The following MRPL1 variants were observed in gnomAD, a reference collection of about 807,000 sequenced individuals.
The protein encoded by MRPL1 is large ribosomal subunit protein uL1m.
Under a neutral mutation model 38.0 loss-of-function variants are expected in MRPL1, and 28 were observed. The observed-to-expected ratio is 0.74, with a 90% CI of 0.55 to 1.01. MRPL1 has a LOEUF of 1.01. Ranked by LOEUF, MRPL1 falls within the 50% of genes least tolerant of loss-of-function variation. MRPL1 has a pLI of 0.00. For missense variants in MRPL1, 358 were observed against 389.8 expected (o/e 0.92, Z 0.69); for synonymous variants, 123 against 126.7 (o/e 0.97, Z 0.20).
intron 6 of MRPL1, among the ~76,000 whole-genome samples, chr4:77,908,589 G>A (rs1736214375): frequency 6.6e-6 from 1 of 152,086 alleles, no homozygotes; most frequent in South Asian, 2.1e-4. Context: ...TGTCATCTGT[G>A]TTTTTAATGT....
chr4:77,930,999 A>G (rs1266340743), intron 7 of MRPL1, among the ~76,000 whole-genome samples: 1 of 152,202 alleles, frequency 6.6e-6, no homozygotes, highest in East Asian at 1.9e-4. Context: ...AGCTGCATTT[A>G]AAAGAAATAC....
chr4:77,923,459 G>C (rs1736626926), intron 7 of MRPL1, among the ~76,000 whole-genome samples: 1 of 152,116 alleles, frequency 6.6e-6, no homozygotes, highest in Non-Finnish European at 1.5e-5. Flanking sequence ...AAAACAATCT[G>C]TTGAGATAAT....
At chr4:77,936,704 A>G (rs1027537410) in intron 7 of MRPL1, among the ~76,000 whole-genome samples, 2 of 152,238 alleles carry the variant, frequency 1.3e-5, no homozygotes, top group African/African-American at 4.8e-5. Flanking sequence ...ATTTACTAAG[A>G]AAGTATGCCA....
chr4:77,891,266 A>G (rs910501487), intron 5 of MRPL1, among the ~76,000 whole-genome samples: 2 of 147,170 alleles, frequency 1.4e-5, no homozygotes, highest in African/African-American at 4.9e-5. Flanking sequence ...TTGAGTTTGT[A>G]TACAGCTTTC....
chr4:77,892,094 A>C (rs1244087947), intron 5 of MRPL1, among the ~76,000 whole-genome samples: 1 of 151,874 alleles, frequency 6.6e-6, no homozygotes, highest in Admixed American at 6.6e-5. Context: ...AGCTCTATAA[A>C]ATGCCAAGTA....
intron 6 of MRPL1, among the ~76,000 whole-genome samples, chr4:77,897,190 A>G (rs958631283): frequency 6.6e-6 from 1 of 151,954 alleles, no homozygotes; most frequent in African/African-American, 2.4e-5. Context: ...CAGCCTCCCA[A>G]GTAGCTGCGA....
At chr4:77,901,919 G>C (rs1736043822) in intron 6 of MRPL1, among the ~76,000 whole-genome samples, 1 of 152,118 alleles carries the variant, frequency 6.6e-6, no homozygotes. Flanking sequence ...CATTCACCAT[G>C]GTAGACCATT....
At chr4:77,922,202 T>G (rs1372688435) in intron 7 of MRPL1, among the ~76,000 whole-genome samples, 1 of 152,228 alleles carries the variant, frequency 6.6e-6, no homozygotes, top group African/African-American at 2.4e-5. Flanking sequence ...ATTGAAATTT[T>G]AGATAGGATA....
chr4:77,862,932 G>T, intron 1 of MRPL1, 53 bp downstream of exon 1: 1 of 1,609,474 alleles, frequency 6.2e-7, no homozygotes, highest in Non-Finnish European at 8.5e-7. Context: ...CGAGTCTCTG[G>T]TTGCAGCAGA....
chr4:77,909,628 G>C (rs536692861), intron 7 of MRPL1, among the ~76,000 whole-genome samples: 16 of 152,118 alleles, frequency 1.1e-4, no homozygotes, highest in Admixed American at 9.8e-4. Context: ...TTTATCTGTT[G>C]TATGTATACA....
At chr4:77,933,064 T>C (rs1736883138) in intron 7 of MRPL1, among the ~76,000 whole-genome samples, 1 of 152,176 alleles carries the variant, frequency 6.6e-6, no homozygotes, top group Non-Finnish European at 1.5e-5. Flanking sequence ...ATCCTCCTTT[T>C]TCAGCCTCTC....
At position 77,862,966 on chromosome 4, in the gene MRPL1, G is replaced by A. The variant is rs1735036871; in HGVS notation, c.31+87G>A. Reference sequence around the variant, plus strand: ...GAGTGCAAGGCGGATTCTGCTCTGGGTGCTGAAAATGCCTCGTGCTGTTTC... The same window carrying A: ...GAGTGCAAGGCGGATTCTGCTCTGGATGCTGAAAATGCCTCGTGCTGTTTC... On this transcript the variant is annotated intron_variant, in intron 1 of 8. Transcript: ENST00000315567. The A allele has an allele frequency of 5.8e-6, 9 of 1,542,796 alleles. No homozygotes were observed. The South Asian group carries it at 1.0e-4, about 17-fold the overall frequency.
chr4:77,904,427 GC>G (rs957242396), intron 6 of MRPL1, among the ~76,000 whole-genome samples: 1 of 151,950 alleles, frequency 6.6e-6, no homozygotes. Flanking sequence ...GGTGACACAT[GC>G]TTGTAATCCC....
At chr4:77,947,641 T>TCTA (rs1188705005) in intron 7 of MRPL1, among the ~76,000 whole-genome samples, 32 of 152,260 alleles carry the variant, frequency 2.1e-4, no homozygotes, top group Non-Finnish European at 3.4e-4. Context: ...TTTGCTTTCC[T>TCTA]GAGTTCTCTC....
In MRPL1 at chr4:77,862,915, C is replaced by A. The variant is rs563051567; in HGVS notation, c.31+36C>A. 7.8e-4 allele frequency: 1,251 copies of A among 1,613,800 alleles called. 29 individuals carry two copies. The South Asian group carries it at 0.013, about 17-fold the overall frequency. On this transcript the variant is annotated intron_variant, in intron 1 of 8. Transcript: ENST00000315567. ...GGGTTGTCTTGCAGGGGAAATGGCT[C>A]TGGCACCGAGTCTCTGGTTGCAGCA...
At chr4:77,910,801 G>T (rs1423739055) in intron 7 of MRPL1, among the ~76,000 whole-genome samples, 1 of 152,094 alleles carries the variant, frequency 6.6e-6, no homozygotes, top group Non-Finnish European at 1.5e-5. Context: ...TAATCTAGTT[G>T]GGGAAACCCC....
At chr4:77,903,303 C>A (rs1736077955) in intron 6 of MRPL1, among the ~76,000 whole-genome samples, 1 of 151,792 alleles carries the variant, frequency 6.6e-6, no homozygotes, top group Non-Finnish European at 1.5e-5. Context: ...GCAATAATAA[C>A]TCTCAGAATA....
chr4:77,920,251 CT>C (rs1052041496), intron 7 of MRPL1, among the ~76,000 whole-genome samples: 1 of 152,044 alleles, frequency 6.6e-6, no homozygotes, highest in Non-Finnish European at 1.5e-5. Flanking sequence ...TCAACTTCTG[CT>C]TTTTTTCATT....
intron 5 of MRPL1, among the ~76,000 whole-genome samples, chr4:77,891,502 C>A (rs1735807133): frequency 6.6e-6 from 1 of 151,916 alleles, no homozygotes; most frequent in African/African-American, 2.4e-5. Flanking sequence ...ATTACAGGCG[C>A]CTGCCACTGT....
Sources: allele counts gnomAD v4.1 joint callset (sites outside exome capture counted in the v4.1 genomes callset), GRCh38; gene constraint gnomAD v4.1.1; transcripts MANE v1.5; gene names NCBI Gene and HGNC (gene_info 2026-07-23, HGNC 2026-07-21).